Variants in SCN3A observed in about 807,000 individuals in gnomAD.
SCN3A encodes sodium channel protein type 3 subunit alpha.
A neutral mutation model predicts 187.6 loss-of-function variants in SCN3A; 60 were observed. The observed-to-expected ratio is 0.32, with a 90% CI of 0.26 to 0.40. The LOEUF (loss-of-function observed/expected upper bound fraction) is 0.40. Ranked by LOEUF, SCN3A falls within the 10% of genes least tolerant of loss-of-function variation. SCN3A has a pLI of 1.00. For missense variants in SCN3A, 1,601 were observed against 2,428.2 expected (o/e 0.66, Z 7.16); for synonymous variants, 788 against 829.2 (o/e 0.95, Z 0.85).
intron 26 of SCN3A, chr2:165,093,505 G>A (rs921172310): frequency 4.6e-5 from 7 of 152,094 alleles, no homozygotes; most frequent in African/African-American, 1.7e-4. Context: ...AGTAAATACA[G>A]TTTTATTAAA....
chr2:165,126,417 T>C (rs1428306863), intron 18 of SCN3A, among the ~76,000 whole-genome samples: 1 of 151,306 alleles, frequency 6.6e-6, no homozygotes, highest in East Asian at 1.9e-4. Flanking sequence ...TTCCCTTTCT[T>C]CTTTCTTTCT....
Position 165,097,522 on chromosome 2 carries a change from C to T in SCN3A, c.3969G>A (p.Val1323=), listed in dbSNP as rs773408781. 1.4e-5 allele frequency: 23 copies of T among 1,613,610 alleles called. No individual in the cohort carries two copies. The East Asian group carries it at 4.2e-4, about 30-fold the overall frequency. Residue 1323 remains valine (V), a splice_region_variant and synonymous_variant, in exon 23 of 28, where the codon GTG becomes GTA. Transcript: ENST00000283254. ...TTGCTCCAACAAGAGCATTCACAAC[C>T]ACCTAGAAGAGACAGCGAGGGGAAC... ...RALSRFEGMR[V]VVNALVGAIP...
intron 9 of SCN3A, among the ~76,000 whole-genome samples, chr2:165,157,653 A>G (rs1313881313): frequency 6.6e-6 from 1 of 152,216 alleles, no homozygotes; most frequent in Non-Finnish European, 1.5e-5. Context: ...TGTACAGACC[A>G]CATTTAAGGA....
At chr2:165,110,805 A>C (rs1686076479) in intron 21 of SCN3A, among the ~76,000 whole-genome samples, 1 of 152,080 alleles carries the variant, frequency 6.6e-6, no homozygotes, top group Non-Finnish European at 1.5e-5. Flanking sequence ...CACTAAAAGC[A>C]AAGTAATTTT....
At position 165,092,198 on chromosome 2, in the gene SCN3A, T is replaced by G; in HGVS notation, c.4807+56A>C. 1 of 1,543,902 alleles carries G rather than the reference T, an allele frequency of 6.5e-7. No individual in the cohort carries two copies. Among genetic ancestry groups the G allele is most frequent in the Non-Finnish European group, 9.0e-7 (1 of 1,116,662 alleles). ...ATTTCCATGTTAATCAGCTAGAAGG[T>G]CCTGGGGCAACTGTTTCTCTGTAAC... On this transcript the variant is annotated intron_variant, in intron 27 of 27. Coordinates refer to ENST00000283254, the MANE Select transcript of SCN3A (RefSeq NM_006922.4). The surrounding 1 kb of genome is among the most constrained non-coding windows in gnomAD (Gnocchi z 4.2).
chr2:165,146,519 G>A (rs1234374113), intron 12 of SCN3A, among the ~76,000 whole-genome samples: 1 of 148,592 alleles, frequency 6.7e-6, no homozygotes, highest in Non-Finnish European at 1.5e-5. Context: ...ATATCTATCT[G>A]TATATATAAT....
intron 3 of SCN3A, 34 bp downstream of exon 3, chr2:165,176,097 A>C (rs746869910): frequency 6.2e-7 from 1 of 1,601,034 alleles, no homozygotes; most frequent in East Asian, 2.2e-5. Context: ...GAGTTTCATT[A>C]AAGATTTATT....
intron 17 of SCN3A, among the ~76,000 whole-genome samples, chr2:165,129,095 G>T (rs1687162498): frequency 6.6e-6 from 1 of 152,116 alleles, no homozygotes; most frequent in East Asian, 1.9e-4. Flanking sequence ...TACTATTCTG[G>T]AGAAAAAAAT....
intron 22 of SCN3A, among the ~76,000 whole-genome samples, chr2:165,097,941 TAAAC>T (rs1467196826): frequency 1.3e-5 from 2 of 152,166 alleles, no homozygotes; most frequent in Non-Finnish European, 1.5e-5. Flanking sequence ...CCTTTGCAAA[TAAAC>T]AAAGTATTAA....
chr2:165,195,615 T>G (rs1386744760), intron 1 of SCN3A: 1 of 152,118 alleles, frequency 6.6e-6, no homozygotes, highest in Non-Finnish European at 1.5e-5. Flanking sequence ...TCTTGAGGGA[T>G]GTGTATTGTT....
At position 165,163,342 on chromosome 2, in the gene SCN3A, A is replaced by G. The variant is rs182853056; in HGVS notation, c.694+276T>C. On this transcript the variant is annotated intron_variant, in intron 7 of 27. Coordinates refer to ENST00000283254, the MANE Select transcript of SCN3A (RefSeq NM_006922.4). The stretch of plus-strand genomic sequence containing the variant: ...AAAATCCAAATCTGTTAGTAAAGCC[A>G]TGGTAGTGAAAAAGAGAGAGAGAGA... 4.6e-5 allele frequency among the ~76,000 whole-genome samples: 7 copies of G among 152,282 alleles called. 1 individual carries two copies. The highest frequency in any genetic ancestry group is 1.3e-4 in the Admixed American group (2 of 15,288).
At position 165,089,173 on chromosome 2, in the gene SCN3A, G is replaced by A; in HGVS notation, c.*977C>T. 1 of 152,542 alleles carries A rather than the reference G, an allele frequency of 6.6e-6. No individual in the cohort carries two copies. The highest frequency in any genetic ancestry group is 1.5e-5 in the Non-Finnish European group (1 of 67,994). 9.4% of individuals were successfully genotyped at this position (152,542 alleles called of 1,614,324 possible). On this transcript the variant is annotated 3_prime_UTR_variant, in exon 28 of 28. Coordinates refer to ENST00000283254, the MANE Select transcript of SCN3A (RefSeq NM_006922.4). ...GTGGTACATATTTGATTTAATAGAA[G>A]TTGTTTATCAGGCTATATATATATT...
At chr2:165,174,506 C>T (rs16850213) in intron 3 of SCN3A, among the ~76,000 whole-genome samples, 1,639 of 152,300 alleles carry the variant, frequency 0.011, 23 homozygotes, top group African/African-American at 0.037. Flanking sequence ...AAAATAGTAA[C>T]GTTTGCCTCT....
At chr2:165,175,332 C>T (rs1690384125) in intron 3 of SCN3A, among the ~76,000 whole-genome samples, 1 of 151,974 alleles carries the variant, frequency 6.6e-6, no homozygotes, top group Non-Finnish European at 1.5e-5. Context: ...AGTATACCAC[C>T]TATTTTTTAT....
chr2:165,202,985 A>G (rs1172170979), intron 1 of SCN3A, among the ~76,000 whole-genome samples: 4 of 152,062 alleles, frequency 2.6e-5, no homozygotes. Context: ...GATATAGAAT[A>G]TTCTAAATAC....
Position 165,176,306 on chromosome 2 carries a change from G to A in SCN3A, c.89C>T (p.Ala30Val), listed in dbSNP as rs1690455873. 6.2e-7 allele frequency: 1 copy of A among 1,613,860 alleles called. No individual in the cohort carries two copies. Among genetic ancestry groups the A allele is most frequent in the Admixed American group, 1.7e-5 (1 of 59,970 alleles). The change falls in exon 3 of 28, where the codon GCA becomes GTA. Residue 30 changes from alanine (A) to valine (V), a missense_variant. Physicochemically the swap from Ala to Val is moderately conservative, Grantham distance 64 (BLOSUM62 0). Coordinates refer to ENST00000283254, the MANE Select transcript of SCN3A (RefSeq NM_006922.4). ...TTTGGGCTTCTTGGCTTTCTCTTCT[G>A]CAGCACGTTTTTCGATAGCAGCAAG... is the stretch of plus-strand genomic sequence containing the variant. ...ESLAAIEKRA[A>V]EEKAKKPKKE...
rs114537830 is a variant in SCN3A at position 165,102,357 on chromosome 2, T to A, written c.3844-1933A>T. Among the ~76,000 whole-genome samples, 621 of 152,136 alleles carry A rather than the reference T, an allele frequency of 4.1e-3. 2 individuals carry two copies. The highest frequency in any genetic ancestry group is 0.011 in the African/African-American group (476 of 41,522). Reference sequence around the variant, plus strand: ...GAGACCTTATCTCAACAAAAAAATTTAAAAAATGATTAGCCAGGGATGGTG... The same window carrying A: ...GAGACCTTATCTCAACAAAAAAATTAAAAAAATGATTAGCCAGGGATGGTG... On this transcript the variant is annotated intron_variant, in intron 21 of 27. Transcript: ENST00000283254.
At position 165,097,433 on chromosome 2, in the gene SCN3A, C is replaced by G. The variant is rs1156416736; in HGVS notation, c.4058G>C (p.Gly1353Ala). ...GAACTTGCCAGCAAACAAATTCACA[C>G]CCATGATGCTAAAGATCAACCAGAA... Reference protein sequence around the residue: ...LIFWLIFSIMGVNLFAGKFYH... With the variant: ...LIFWLIFSIMAVNLFAGKFYH... The change falls in exon 23 of 28, where the codon GGT becomes GCT. Residue 1353 changes from glycine to alanine, a missense_variant. Around this residue, in one of 11 missense-constraint regions of SCN3A, gnomAD observed 320 missense variants for 623.2 expected, o/e 0.51. Transcript: ENST00000283254. 1.2e-6 allele frequency: 2 copies of G among 1,613,986 alleles called. No individual in the cohort carries two copies. Among genetic ancestry groups the G allele is most frequent in the Non-Finnish European group, 1.7e-6 (2 of 1,179,970 alleles).
In SCN3A at chr2:165,090,036, A is replaced by G. The variant is rs1684999830; in HGVS notation, c.*114T>C. ...TCTTGTATAGGCACTGACTATGAGTATTTGTTAAAACAGTCAGTTTGGCAT... is the reference window on the plus strand; with the variant it reads ...TCTTGTATAGGCACTGACTATGAGTGTTTGTTAAAACAGTCAGTTTGGCAT... On this transcript the variant is annotated 3_prime_UTR_variant, in exon 28 of 28. Transcript: ENST00000283254. The surrounding 1 kb of genome is among the most constrained non-coding windows in gnomAD (Gnocchi z 4.0). 3 of 1,465,592 alleles carry G rather than the reference A, an allele frequency of 2.0e-6. No homozygotes were observed. The highest frequency in any genetic ancestry group is 1.8e-6 in the Non-Finnish European group (2 of 1,088,196). 90.8% of individuals were successfully genotyped at this position (1,465,592 alleles called of 1,614,324 possible). A position where few individuals can be genotyped will look rare whatever the true frequency, so the allele number is the denominator to read the frequency against.
Sources: gnomAD v4.1 joint callset for allele counts (sites outside exome capture counted in the v4.1 genomes callset) on GRCh38, gnomAD v4.1.1 for gene constraint, gnomAD v4.1.1 regional missense constraint, Gnocchi (gnomAD v3.1) non-coding constraint, MANE v1.5 for transcripts, NCBI Gene and HGNC (gene_info 2026-07-23, HGNC 2026-07-21) for gene names.